The following MRTFB variants were observed in gnomAD, a reference collection of about 807,000 sequenced individuals.
The protein encoded by MRTFB is myocardin-related transcription factor B.
In MRTFB, 29 loss-of-function variants were observed where a neutral mutation model predicts 104.2. The ratio of observed to expected loss-of-function variants is 0.28; its 90% confidence interval spans 0.21 to 0.38. The LOEUF (loss-of-function observed/expected upper bound fraction) is 0.38. Among genes scored for constraint, MRTFB ranks in the 10% least tolerant of loss-of-function variants. The probability of loss-of-function intolerance (pLI) is 1.00; values close to 1 mark genes in which losing one functional copy is unlikely to be tolerated. For missense variants in MRTFB, 1,270 were observed against 1,341.6 expected (o/e 0.95, Z 0.83); for synonymous variants, 535 against 519.5 (o/e 1.03, Z -0.41).
Position 14,172,961 on chromosome 16 carries a change from T to G in MRTFB, c.154+32201T>G, listed in dbSNP as rs1029801216. ...ATGTGGCCAAAATTTATCAGTCCTG[T>G]TTTTATTGCATCTAGATTTTGGGTC... On this transcript the variant is annotated intron_variant, in intron 3 of 16. Coordinates refer to ENST00000571589, the MANE Select transcript of MRTFB (RefSeq NM_001308142.2). Among the ~76,000 whole-genome samples, 9 of 152,310 alleles carry G rather than the reference T, an allele frequency of 5.9e-5. No homozygotes were observed. The East Asian group carries it at 1.7e-3, about 29-fold the overall frequency.
the MRTFB span, among the ~76,000 whole-genome samples, chr16:14,041,038 C>A: frequency 6.6e-6 from 1 of 151,878 alleles, no homozygotes; most frequent in African/African-American, 2.4e-5. Context: ...GAGGTTGAGG[C>A]ATGAAGATCT....
At chr16:14,245,070 G>C (rs998747147) in intron 10 of MRTFB, among the ~76,000 whole-genome samples, 1 of 152,134 alleles carries the variant, frequency 6.6e-6, no homozygotes, top group Non-Finnish European at 1.5e-5. Context: ...TGGCACCATT[G>C]AAGTCCCGCC....
At chr16:14,027,393 A>G in the MRTFB span, among the ~76,000 whole-genome samples, 7 of 152,250 alleles carry the variant, frequency 4.6e-5, no homozygotes, top group South Asian at 1.0e-3. Context: ...CAGTGCAACT[A>G]TAACAGGGTC....
chr16:14,208,083 TAGAAAC>T (rs759066035), intron 3 of MRTFB, among the ~76,000 whole-genome samples: 3 of 152,198 alleles, frequency 2.0e-5, no homozygotes, highest in Non-Finnish European at 4.4e-5. Flanking sequence ...GTGTTGGAAA[TAGAAAC>T]AGATCAGAAT....
At position 14,261,365 on chromosome 16, in the gene MRTFB, C is replaced by G; in HGVS notation, c.3221C>G (p.Thr1074Ser). 1 of 1,614,170 alleles carries G rather than the reference C, an allele frequency of 6.2e-7. No homozygotes were observed. Among genetic ancestry groups the G allele is most frequent in the Non-Finnish European group, 8.5e-7 (1 of 1,180,026 alleles). Residue 1074 changes from threonine (T) to serine (S), a missense_variant, in exon 17 of 17, where the codon ACT (threonine) becomes AGT (serine). Around this residue, in one of 3 missense-constraint regions of MRTFB, gnomAD observed 1,144 missense variants for 1,131.5 expected, o/e 1.01. Coordinates refer to ENST00000571589, the MANE Select transcript of MRTFB (RefSeq NM_001308142.2). ...ITMPNSSSGL[T>S]PLSTTAPSMF... is the part of the protein sequence containing the mutation. ...ATGCCCAACTCCTCTTCAGGACTCA[C>G]TCCTCTCAGCACCACCGCGCCGAGC...
chr16:14,183,281 T>A (rs2039829871), intron 3 of MRTFB, among the ~76,000 whole-genome samples: 1 of 152,112 alleles, frequency 6.6e-6, no homozygotes, highest in Non-Finnish European at 1.5e-5. Context: ...TTGAGGATAA[T>A]ACTATAAAAT....
the MRTFB span, among the ~76,000 whole-genome samples, chr16:14,055,196 A>C: frequency 9.8e-4 from 149 of 152,282 alleles, no homozygotes; most frequent in African/African-American, 3.5e-3. Flanking sequence ...TACTAAAAAT[A>C]CAAAATTAGC....
chr16:14,074,863 T>A (rs1395369323), intron 1 of MRTFB, among the ~76,000 whole-genome samples: 1 of 152,222 alleles, frequency 6.6e-6, no homozygotes, highest in Non-Finnish European at 1.5e-5. Context: ...GAATCAATGT[T>A]TGTAAATATA....
chr16:14,147,801 C>T (rs1364310088), intron 3 of MRTFB, among the ~76,000 whole-genome samples: 1 of 152,172 alleles, frequency 6.6e-6, no homozygotes, highest in Non-Finnish European at 1.5e-5. Context: ...TTTATTTAGT[C>T]TTTAAATTGT....
intron 6 of MRTFB, 130 bp from the exon 7 acceptor site, chr16:14,216,996 T>G: frequency 1.1e-6 from 1 of 897,978 alleles, no homozygotes; most frequent in East Asian, 2.7e-5. Context: ...TCATTTTCTC[T>G]TTCCATAAAT....
At chr16:14,083,492 C>A (rs1054657120) in intron 2 of MRTFB, among the ~76,000 whole-genome samples, 3 of 152,068 alleles carry the variant, frequency 2.0e-5, no homozygotes, top group African/African-American at 4.8e-5. Flanking sequence ...TGGGTACTGG[C>A]CTAGAGTCAG....
the MRTFB span, among the ~76,000 whole-genome samples, chr16:14,005,281 A>C: frequency 6.6e-6 from 1 of 152,154 alleles, no homozygotes; most frequent in African/African-American, 2.4e-5. Context: ...AGTAGTAAGG[A>C]AGGGAGGAAG....
chr16:14,233,697 G>A (rs1014510712), intron 8 of MRTFB, among the ~76,000 whole-genome samples: 3 of 149,690 alleles, frequency 2.0e-5, no homozygotes, highest in African/African-American at 7.5e-5. Context: ...GGCCAAAGCT[G>A]GAGAATTGCT....
At chr16:14,051,358 C>G in the MRTFB span, among the ~76,000 whole-genome samples, 1 of 152,018 alleles carries the variant, frequency 6.6e-6, no homozygotes, top group East Asian at 1.9e-4. Context: ...TGCATACATA[C>G]CTATAGGCAT....
chr16:14,092,019 A>T (rs1465563625), intron 2 of MRTFB, among the ~76,000 whole-genome samples: 1 of 151,052 alleles, frequency 6.6e-6, no homozygotes, highest in South Asian at 2.1e-4. Flanking sequence ...AAAAAAAAAA[A>T]AAGAATGCCT....
chr16:14,035,247 G>A, the MRTFB span, among the ~76,000 whole-genome samples: 1 of 152,156 alleles, frequency 6.6e-6, no homozygotes, highest in Non-Finnish European at 1.5e-5. Context: ...ATAAATCAGG[G>A]AACAGGAGTG....
intron 3 of MRTFB, among the ~76,000 whole-genome samples, chr16:14,149,694 A>T (rs549511628): frequency 6.6e-6 from 1 of 152,208 alleles, no homozygotes; most frequent in Non-Finnish European, 1.5e-5. Flanking sequence ...TAATTCCTAG[A>T]TTTTTAAGCC....
chr16:14,090,787 A>G (rs556146568), intron 2 of MRTFB, among the ~76,000 whole-genome samples: 42 of 152,196 alleles, frequency 2.8e-4, no homozygotes, highest in African/African-American at 9.4e-4. Flanking sequence ...ATATAATAAA[A>G]TGTAGATAGA....
intron 8 of MRTFB, among the ~76,000 whole-genome samples, chr16:14,223,618 C>G (rs986749579): frequency 1.3e-5 from 2 of 151,620 alleles, no homozygotes; most frequent in African/African-American, 4.9e-5. Flanking sequence ...CTCAAACAAG[C>G]AGAAGAAAGA....
Sources: gnomAD v4.1 joint callset for allele counts (sites outside exome capture counted in the v4.1 genomes callset) on GRCh38, gnomAD v4.1.1 for gene constraint, gnomAD v4.1.1 regional missense constraint, MANE v1.5 for transcripts, NCBI Gene and HGNC (gene_info 2026-07-23, HGNC 2026-07-21) for gene names.